Variants in CNTNAP5 observed in about 807,000 individuals in gnomAD.
CNTNAP5 encodes contactin-associated protein-like 5.
Under a neutral mutation model 150.2 loss-of-function variants are expected in CNTNAP5, and 72 were observed. That is an observed-to-expected ratio of 0.48 (90% CI 0.40 to 0.58). CNTNAP5 has a LOEUF of 0.58. Ranked by LOEUF, CNTNAP5 falls within the 20% of genes least tolerant of loss-of-function variation. The pLI is 0.00. For missense variants in CNTNAP5, 1,636 were observed against 1,626.2 expected, an observed-to-expected ratio of 1.01 and a Z score of -0.10; for synonymous variants, 672 against 619.8, an observed-to-expected ratio of 1.08 and a Z score of -1.25.
At chr2:124,648,740 A>G (rs1678258213) in intron 13 of CNTNAP5, among the ~76,000 whole-genome samples, 1 of 152,198 alleles carries the variant, frequency 6.6e-6, no homozygotes, top group Admixed American at 6.5e-5. Flanking sequence ...CAAAATTTAC[A>G]TGTTTCCTGG....
chr2:124,586,296 A>G (rs772552129), intron 11 of CNTNAP5, among the ~76,000 whole-genome samples: 2 of 152,180 alleles, frequency 1.3e-5, no homozygotes, highest in Non-Finnish European at 2.9e-5. Flanking sequence ...TCAAGTCCCC[A>G]AATTTTCTGA....
chr2:124,769,971 T>C (rs1185131635), intron 16 of CNTNAP5, among the ~76,000 whole-genome samples: 1 of 152,196 alleles, frequency 6.6e-6, no homozygotes, highest in Admixed American at 6.6e-5. Context: ...ACTCAATAAA[T>C]ATTAACTATT....
chr2:124,561,020 T>C (rs943772375), intron 10 of CNTNAP5, among the ~76,000 whole-genome samples: 2 of 152,188 alleles, frequency 1.3e-5, no homozygotes, highest in African/African-American at 4.8e-5. Context: ...TTGCTCAGTT[T>C]TTCTTTCTTA....
At chr2:124,590,935 T>C (rs567423616) in intron 11 of CNTNAP5, among the ~76,000 whole-genome samples, 5 of 152,298 alleles carry the variant, frequency 3.3e-5, no homozygotes, top group African/African-American at 1.2e-4. Context: ...CACAAGGACA[T>C]TTCAAATTGT....
intron 11 of CNTNAP5, among the ~76,000 whole-genome samples, chr2:124,585,063 C>G (rs946753535): frequency 6.6e-6 from 1 of 152,170 alleles, no homozygotes; most frequent in Non-Finnish European, 1.5e-5. Flanking sequence ...GTTTAGGGAG[C>G]AAGCATGTAG....
chr2:124,262,199 C>A (rs1181849555), intron 3 of CNTNAP5, among the ~76,000 whole-genome samples: 1 of 152,056 alleles, frequency 6.6e-6, no homozygotes, highest in African/African-American at 2.4e-5. Context: ...CAGTCAAAAT[C>A]ACACCACTGT....
intron 2 of CNTNAP5, among the ~76,000 whole-genome samples, chr2:124,238,251 G>A (rs940849047): frequency 2.6e-5 from 4 of 151,996 alleles, no homozygotes; most frequent in African/African-American, 9.7e-5. Context: ...CTCCTGCATT[G>A]CTACTTCCTA....
intron 5 of CNTNAP5, among the ~76,000 whole-genome samples, chr2:124,444,363 G>A (rs990037052): frequency 1.3e-5 from 2 of 152,078 alleles, no homozygotes; most frequent in African/African-American, 4.8e-5. Context: ...GGGAAGTCGG[G>A]GCAGCAGATC....
chr2:124,769,304 A>G (rs1184211424), intron 16 of CNTNAP5, among the ~76,000 whole-genome samples: 3 of 151,968 alleles, frequency 2.0e-5, no homozygotes, highest in Non-Finnish European at 4.4e-5. Context: ...TTTTTTTATC[A>G]GTCTTCTCAA....
At position 124,648,031 on chromosome 2, in the gene CNTNAP5, AT is replaced by A. The variant is rs891910755; in HGVS notation, c.2077+76del. On this transcript the variant is annotated intron_variant, in intron 13 of 23. Coordinates refer to ENST00000682447, the MANE Select transcript of CNTNAP5 (RefSeq NM_001367498.1). ...GACCTGGAGTATTAGGCAAAGGAAA[AT>A]TTGCCAAGAAGGGGGCTATAGTTAC... 2.1e-6 allele frequency: 3 copies of A among 1,417,098 alleles called. No individual in the cohort carries two copies. In the African/African-American group the frequency reaches 4.3e-5, roughly 20 times the overall value. The allele number at this position is 1,417,098 out of a possible 1,614,324, so 87.8% of individuals were successfully genotyped here.
At chr2:124,304,694 C>T (rs1436361012) in intron 3 of CNTNAP5, among the ~76,000 whole-genome samples, 2 of 152,166 alleles carry the variant, frequency 1.3e-5, no homozygotes, top group African/African-American at 4.8e-5. Flanking sequence ...TAGCCATCAA[C>T]AAGGAACAGT....
intron 13 of CNTNAP5, among the ~76,000 whole-genome samples, chr2:124,681,099 A>G (rs1241514567): frequency 6.6e-6 from 1 of 151,482 alleles, no homozygotes; most frequent in African/African-American, 2.4e-5. Flanking sequence ...AGCCTGGCCA[A>G]CATAGTGAAA....
intron 13 of CNTNAP5, among the ~76,000 whole-genome samples, chr2:124,691,692 C>A (rs980532428): frequency 2.6e-5 from 4 of 152,208 alleles, no homozygotes; most frequent in African/African-American, 9.6e-5. Context: ...GTGAATTAAT[C>A]ATTCCATGCG....
chr2:124,129,246 G>GA (rs1219861622), intron 1 of CNTNAP5, among the ~76,000 whole-genome samples: 1 of 151,862 alleles, frequency 6.6e-6, no homozygotes. Context: ...ATATTACTTA[G>GA]AAAAAAAAGT....
chr2:124,483,470 G>A (rs1044409884), intron 7 of CNTNAP5, among the ~76,000 whole-genome samples: 4 of 152,184 alleles, frequency 2.6e-5, no homozygotes, highest in Non-Finnish European at 5.9e-5. Flanking sequence ...GGAGCACAGT[G>A]CTGAGAAAAA....
chr2:124,111,214 A>T (rs1425813643), intron 1 of CNTNAP5, among the ~76,000 whole-genome samples: 8 of 152,176 alleles, frequency 5.3e-5, no homozygotes, highest in Non-Finnish European at 1.2e-4. Flanking sequence ...AGAGCAAAGG[A>T]AGAACACAAA....
At chr2:124,324,706 A>G (rs1428161737) in intron 3 of CNTNAP5, among the ~76,000 whole-genome samples, 1 of 152,200 alleles carries the variant, frequency 6.6e-6, no homozygotes, top group Non-Finnish European at 1.5e-5. Flanking sequence ...GACAGCCTGC[A>G]TGCTGTATTA....
chr2:124,056,105 A>G (rs1393191540), intron 1 of CNTNAP5, among the ~76,000 whole-genome samples: 1 of 152,162 alleles, frequency 6.6e-6, no homozygotes, highest in East Asian at 1.9e-4. Context: ...GCTTTCAGAG[A>G]CAAGGTTTTA....
chr2:124,634,674 AT>A (rs35061273), intron 12 of CNTNAP5, among the ~76,000 whole-genome samples: 1 of 151,014 alleles, frequency 6.6e-6, no homozygotes, highest in Non-Finnish European at 1.5e-5. Flanking sequence ...TGCCTGGCTA[AT>A]TTTTTTTTGA....
Sources: gnomAD v4.1 joint callset for allele counts (sites outside exome capture counted in the v4.1 genomes callset) on GRCh38, gnomAD v4.1.1 for gene constraint, MANE v1.5 for transcripts, NCBI Gene and HGNC (gene_info 2026-07-23, HGNC 2026-07-21) for gene names.